Variants in STKLD1 observed in about 807,000 individuals in gnomAD.
STKLD1 encodes the protein serine/threonine kinase like domain containing 1, also known as serine/threonine kinase-like domain-containing protein STKLD1.
Under a neutral mutation model 80.4 loss-of-function variants are expected in STKLD1, and 79 were observed. That is an observed-to-expected ratio of 0.98 (90% CI 0.82 to 1.19). STKLD1 has a LOEUF of 1.19. STKLD1 is among the 50% of genes most tolerant of loss of function. STKLD1 has a pLI of 0.00. For synonymous variants in STKLD1, 393 were observed against 357.6 expected, an observed-to-expected ratio of 1.10 and a Z score of -1.12; for missense variants, 841 against 856.0, an observed-to-expected ratio of 0.98 and a Z score of 0.22.
chr9:133,403,731 G>A lies in STKLD1; in HGVS notation c.1506G>A (p.Lys502=), dbSNP rs782267361. 5.6e-6 allele frequency: 9 copies of A among 1,613,702 alleles called. No homozygotes were observed. The highest frequency in any genetic ancestry group is 5.0e-5 in the Admixed American group (3 of 60,000). ...TTGTGAACAAGGCCCCCTTGGAGAA[G>A]GTCCCGGACCTCATCAGCCAGGTGT... ...GIIVNKAPLE[K]VPDLISQVLA... is the part of the protein sequence containing the mutation. Residue 502 remains lysine (K), a synonymous_variant, in exon 15 of 18, where the codon AAG becomes AAA. Transcript: ENST00000371957.
chr9:133,401,657 C>T, intron 12 of STKLD1, 81 bp from the exon 13 acceptor site: 1 of 1,489,850 alleles, frequency 6.7e-7, no homozygotes, highest in East Asian at 2.4e-5. Flanking sequence ...GATGCTATCC[C>T]CCAGCCTGTG....
chr9:133,403,623 G>C (rs1446585212), intron 14 of STKLD1, 77 bp from the exon 15 acceptor site: 1 of 1,536,070 alleles, frequency 6.5e-7, no homozygotes, highest in African/African-American at 1.4e-5. Context: ...GAGGAAGGCA[G>C]CAGATGGGGG....
chr9:133,381,166 T>A (rs1297398324), intron 2 of STKLD1, among the ~76,000 whole-genome samples: 1 of 142,072 alleles, frequency 7.0e-6, no homozygotes, highest in Non-Finnish European at 1.5e-5. Context: ...GAGATGGAGT[T>A]TTGCTCTTGT....
chr9:133,390,194 AACACACACACACACACACACACAC>A lies in STKLD1; in HGVS notation c.468-452_468-429del, dbSNP rs71378573. The stretch of plus-strand genomic sequence containing the variant: ...TTCAGCCTGGGCAACCCTGACTTAA[AACACACACACACACACACACACAC>A]ACACACACACACACACACACACACA... On this transcript the variant is annotated intron_variant, in intron 6 of 17. Coordinates refer to ENST00000371957, the MANE Select transcript of STKLD1 (RefSeq NM_153710.5). This position sits in a 1 kb window ranked among gnomAD's most constrained non-coding sequence, Gnocchi z 5.1. Among the ~76,000 whole-genome samples the A allele has an allele frequency of 7.6e-4, 94 of 123,478 alleles. 3 individuals are homozygous for A. The South Asian group carries it at 0.018, about 24-fold the overall frequency. The allele number at this position is 123,478 out of a possible 152,430, so 81.0% of individuals were successfully genotyped here. A position where few individuals can be genotyped will look rare whatever the true frequency, so the allele number is the denominator to read the frequency against.
intron 7 of STKLD1, among the ~76,000 whole-genome samples, chr9:133,391,704 G>A (rs2130290057): frequency 8.7e-4 from 132 of 151,914 alleles, no homozygotes; most frequent in African/African-American, 3.1e-3. Context: ...CTAATCTCAA[G>A]TACCCAGGGA....
At position 133,402,859 on chromosome 9, in the gene STKLD1, C is replaced by A; in HGVS notation, c.1340-19C>A. ...CTGGAGGGAGGGGCCCTGGGGCCCTCATTCTGGCTCACCCACAGAGTCAGA... is the reference window on the plus strand; with the variant it reads ...CTGGAGGGAGGGGCCCTGGGGCCCTAATTCTGGCTCACCCACAGAGTCAGA... On this transcript the variant is annotated intron_variant, in intron 13 of 17. Transcript: ENST00000371957. 6.3e-7 allele frequency: 1 copy of A among 1,592,950 alleles called. No homozygotes were observed. The highest frequency in any genetic ancestry group is 2.3e-5 in the East Asian group (1 of 43,906).
intron 16 of STKLD1, among the ~76,000 whole-genome samples, chr9:133,404,582 G>T (rs781890295): frequency 2.6e-5 from 4 of 152,254 alleles, no homozygotes; most frequent in African/African-American, 4.8e-5. Context: ...TTTGGCTCTG[G>T]GGGGGCTGCC....
At chr9:133,405,052 T>A in intron 17 of STKLD1, 123 bp downstream of exon 17, 1 of 1,425,280 alleles carries the variant, frequency 7.0e-7, no homozygotes, top group Non-Finnish European at 9.5e-7. Context: ...TCGGCCCACT[T>A]AAACTTCCCA....
Position 133,404,841 on chromosome 9 carries a change from C to A in STKLD1, c.1785C>A (p.Ser595Arg). The A allele has an allele frequency of 1.2e-6, 2 of 1,613,272 alleles. No homozygotes were observed. The highest frequency in any genetic ancestry group is 1.7e-6 in the Non-Finnish European group (2 of 1,179,786). ...AGGAGGAGGGCGGCAGTGGCCTCAG[C>A]CTCATCAAGGAGACCTACCAGCTCC... ...VVQEEGGSGLSLIKETYQLHR... is the reference protein window; with the variant it reads ...VVQEEGGSGLRLIKETYQLHR... The change falls in exon 17 of 18, where the codon AGC becomes AGA. Residue 595 changes from serine (S) to arginine (R), a missense_variant. Transcript: ENST00000371957.
chr9:133,396,038 GAA>G, intron 9 of STKLD1: 2 of 264,672 alleles, frequency 7.6e-6, no homozygotes, highest in Admixed American at 5.1e-5. Flanking sequence ...TAGGGTTCCA[GAA>G]AAAAGTTTTC....
intron 11 of STKLD1, among the ~76,000 whole-genome samples, chr9:133,399,411 C>T (rs1838639631): frequency 6.6e-6 from 1 of 152,178 alleles, no homozygotes; most frequent in South Asian, 2.1e-4. Context: ...CCATTCCCTC[C>T]CTCCCCTCCT....
chr9:133,397,193 G>C lies in STKLD1; in HGVS notation c.896G>C (p.Gly299Ala). 6.2e-7 allele frequency: 1 copy of C among 1,613,972 alleles called. No individual in the cohort carries two copies. The highest frequency in any genetic ancestry group is 8.5e-7 in the Non-Finnish European group (1 of 1,180,022). The stretch of plus-strand genomic sequence containing the variant: ...GTGGTGCACATCACCTTCTTGAGAG[G>C]CTCCTTCAAGTCCTCGTGCGTCTCT... ...KDVVHITFLRGSFKSSCVSLT... is the reference protein window; with the variant it reads ...KDVVHITFLRASFKSSCVSLT... Residue 299 changes from glycine to alanine, a missense_variant, in exon 10 of 18, where the codon GGC (glycine) becomes GCC (alanine). Transcript: ENST00000371957.
chr9:133,379,327 T>G lies in STKLD1; in HGVS notation c.174+205T>G, dbSNP rs181100733. On this transcript the variant is annotated intron_variant, in intron 2 of 17. Coordinates refer to ENST00000371957, the MANE Select transcript of STKLD1 (RefSeq NM_153710.5). ...TTGATGGGGAAGCAATGCTAATTTT[T>G]ACTCCAACACCACCACCTCCCACCA... 2.0e-5 allele frequency among the ~76,000 whole-genome samples: 3 copies of G among 152,312 alleles called. No individual in the cohort carries two copies. In the East Asian group the frequency reaches 5.8e-4, roughly 29 times the overall value.
At chr9:133,395,861 A>G in intron 9 of STKLD1, 98 bp downstream of exon 9, 2 of 1,238,212 alleles carry the variant, frequency 1.6e-6, no homozygotes, top group Middle Eastern at 2.0e-4. Context: ...GTAACGCCTC[A>G]AAGAACTCCA....
chr9:133,391,349 C>G (rs2130289338), intron 7 of STKLD1, among the ~76,000 whole-genome samples: 48 of 150,882 alleles, frequency 3.2e-4, no homozygotes, highest in African/African-American at 1.0e-3. Context: ...CGGCCGCCAC[C>G]CCGTCTGGGA....
At position 133,389,682 on chromosome 9, in the gene STKLD1, G is replaced by T; in HGVS notation, c.467+86G>T. 1 of 1,578,448 alleles carries T rather than the reference G, an allele frequency of 6.3e-7. No homozygotes were observed. Among genetic ancestry groups the T allele is most frequent in the Non-Finnish European group, 8.6e-7 (1 of 1,160,568 alleles). ...GCCACTCGGGTGCCAGTGCCCGTGG[G>T]CAGGATCTGGGGAGAAAGGTGCACC... is the stretch of plus-strand genomic sequence containing the variant. On this transcript the variant is annotated intron_variant, in intron 6 of 17. Transcript: ENST00000371957. The surrounding 1 kb of genome is among the most constrained non-coding windows in gnomAD (Gnocchi z 6.4).
Position 133,385,610 on chromosome 9 carries a change from C to T in STKLD1, c.220-7C>T. The T allele has an allele frequency of 1.9e-6, 3 of 1,613,206 alleles. No homozygotes were observed. Among genetic ancestry groups the T allele is most frequent in the South Asian group, 1.1e-5 (1 of 91,080 alleles). On this transcript the variant is annotated splice_polypyrimidine_tract_variant and splice_region_variant and intron_variant, in intron 3 of 17. Coordinates refer to ENST00000371957, the MANE Select transcript of STKLD1 (RefSeq NM_153710.5). The surrounding 1 kb of genome is among the most constrained non-coding windows in gnomAD (Gnocchi z 4.9). ...ACTTCTCCGTTTCCTCTGCTCTATC[C>T]TGGCAGCTGATGCCACTGCTGAAGC...
At chr9:133,403,110 G>A in intron 14 of STKLD1, 98 bp downstream of exon 14, 1 of 1,285,356 alleles carries the variant, frequency 7.8e-7, no homozygotes, top group Non-Finnish European at 1.0e-6. Flanking sequence ...TCCATGTCCT[G>A]TCCCTAAAAC....
At chr9:133,397,322 G>A (rs79427352) in intron 10 of STKLD1, 28 bp downstream of exon 10, 56 of 1,610,422 alleles carry the variant, frequency 3.5e-5, no homozygotes, top group Non-Finnish European at 4.2e-5. Context: ...AAGGGGGAGC[G>A]TGCCCTGAAG....
Sources: allele counts gnomAD v4.1 joint callset (sites outside exome capture counted in the v4.1 genomes callset), GRCh38; gene constraint gnomAD v4.1.1; non-coding constraint Gnocchi (gnomAD v3.1); transcripts MANE v1.5; gene names NCBI Gene and HGNC (gene_info 2026-07-23, HGNC 2026-07-21).